Variants in PAK5 observed in about 807,000 individuals in gnomAD.
PAK5 encodes the protein p21 (RAC1) activated kinase 5, also known as serine/threonine-protein kinase PAK 5.
A neutral mutation model predicts 65.9 loss-of-function variants in PAK5; 16 were observed. The observed-to-expected ratio is 0.24, with a 90% confidence interval of 0.16 to 0.37. The LOEUF is 0.37. Ranked by LOEUF, PAK5 falls within the 10% of genes least tolerant of loss-of-function variation. PAK5 has a pLI of 1.00. For missense variants in PAK5, 785 were observed against 903.9 expected, an observed-to-expected ratio of 0.87 and a Z score of 1.69; for synonymous variants, 371 against 354.9, an observed-to-expected ratio of 1.05 and a Z score of -0.51.
In PAK5 at chr20:9,654,130, T is replaced by C. The variant is rs371896524; in HGVS notation, c.-11-9791A>G. 2.1e-4 allele frequency among the ~76,000 whole-genome samples: 32 copies of C among 152,004 alleles called. 1 individual carries two copies. In the East Asian group the frequency reaches 4.8e-3, roughly 23 times the overall value. On this transcript the variant is annotated intron_variant, in intron 2 of 9. Coordinates refer to ENST00000353224, the MANE Select transcript of PAK5 (RefSeq NM_177990.4). ...CTGGGATTACAGGCATGCACCACGATGCCCAGCTAATTTTTATATTTTTAG... is the reference window on the plus strand; with the variant it reads ...CTGGGATTACAGGCATGCACCACGACGCCCAGCTAATTTTTATATTTTTAG...
intron 6 of PAK5, among the ~76,000 whole-genome samples, 183 bp downstream of exon 6, chr20:9,562,708 C>A (rs1394392381): frequency 6.6e-6 from 1 of 152,064 alleles, no homozygotes; most frequent in African/African-American, 2.4e-5. Context: ...GAACATTCAC[C>A]AAATGAATGA....
chr20:9,791,024 A>T (rs1009773104), intron 1 of PAK5, among the ~76,000 whole-genome samples: 2 of 152,052 alleles, frequency 1.3e-5, no homozygotes, highest in Non-Finnish European at 2.9e-5. Flanking sequence ...CTTCATAGAC[A>T]TCAGCTTTCA....
chr20:9,666,014 T>C (rs2047412252), intron 2 of PAK5, among the ~76,000 whole-genome samples: 1 of 152,146 alleles, frequency 6.6e-6, no homozygotes, highest in Non-Finnish European at 1.5e-5. Context: ...TATAGGATGT[T>C]GTAAGACTCT....
chr20:9,698,388 T>G (rs2047896865), intron 2 of PAK5, among the ~76,000 whole-genome samples: 1 of 152,166 alleles, frequency 6.6e-6, no homozygotes, highest in Non-Finnish European at 1.5e-5. Flanking sequence ...CCCAGTGCTT[T>G]CTATTGTAAC....
At chr20:9,703,532 G>A (rs1189608769) in intron 2 of PAK5, among the ~76,000 whole-genome samples, 1 of 152,112 alleles carries the variant, frequency 6.6e-6, no homozygotes, top group East Asian at 1.9e-4. Context: ...GGAAGTTATT[G>A]GGGGAGGGTG....
In PAK5 at chr20:9,580,596, G is replaced by A. The variant is rs2123015738; in HGVS notation, c.539C>T (p.Ala180Val). 1 of 1,613,984 alleles carries A rather than the reference G, an allele frequency of 6.2e-7. No homozygotes were observed. The highest frequency in any genetic ancestry group is 8.5e-7 in the Non-Finnish European group (1 of 1,179,958). ...CAAAGGCTTCACCTCAGAATAGTAG[G>A]CCTCCCCGTGCTTCATTTTCATTAC... ...GHVMKMKHGE[A>V]YYSEVKPLKS... Residue 180 changes from alanine to valine, a missense_variant, in exon 4 of 10, where the codon GCC becomes GTC. Ala to Val is a moderately conservative substitution (Grantham distance 64, BLOSUM62 0). This residue lies in a region of PAK5 where 422 missense variants were observed against 413.3 expected (regional missense o/e 1.02). Transcript: ENST00000353224.
At chr20:9,580,072 T>A (rs2045950030) in intron 4 of PAK5, 73 bp downstream of exon 4, 1 of 1,290,796 alleles carries the variant, frequency 7.7e-7, no homozygotes, top group Non-Finnish European at 1.1e-6. Flanking sequence ...TCCAATCGTA[T>A]AAAAAGGTCG....
intron 3 of PAK5, among the ~76,000 whole-genome samples, chr20:9,624,931 T>A (rs2046822312): frequency 6.6e-6 from 1 of 152,200 alleles, no homozygotes; most frequent in Non-Finnish European, 1.5e-5. Flanking sequence ...TTATAAGCAA[T>A]TAAGTAAGGA....
chr20:9,671,055 G>C (rs962357001), intron 2 of PAK5, among the ~76,000 whole-genome samples: 26 of 152,246 alleles, frequency 1.7e-4, no homozygotes, highest in Non-Finnish European at 3.1e-4. Context: ...GCTTGTTTTT[G>C]TCAGGTTTGT....
intron 1 of PAK5, among the ~76,000 whole-genome samples, chr20:9,767,920 A>C (rs886853019): frequency 6.6e-6 from 1 of 152,184 alleles, no homozygotes; most frequent in African/African-American, 2.4e-5. Flanking sequence ...ATACTATGCA[A>C]CCATAAAAAA....
chr20:9,674,962 A>G (rs1205138947), intron 2 of PAK5, among the ~76,000 whole-genome samples: 2 of 152,218 alleles, frequency 1.3e-5, no homozygotes, highest in African/African-American at 4.8e-5. Context: ...ATTAGTAGTC[A>G]GCACTCACAG....
chr20:9,650,201 T>C (rs2047185568), intron 2 of PAK5, among the ~76,000 whole-genome samples: 1 of 152,206 alleles, frequency 6.6e-6, no homozygotes, highest in East Asian at 1.9e-4. Context: ...ATGATCTGAA[T>C]GTTGCTTCCA....
At chr20:9,774,488 A>G (rs2048866478) in intron 1 of PAK5, among the ~76,000 whole-genome samples, 1 of 152,222 alleles carries the variant, frequency 6.6e-6, no homozygotes, top group African/African-American at 2.4e-5. Flanking sequence ...AAAATTAAGC[A>G]TCAGCTTTAT....
intron 2 of PAK5, among the ~76,000 whole-genome samples, chr20:9,656,660 AC>A (rs903155835): frequency 6.6e-6 from 1 of 152,172 alleles, no homozygotes; most frequent in Non-Finnish European, 1.5e-5. Context: ...GGGGCAAATT[AC>A]TTAATCTCTT....
At chr20:9,561,685 A>G (rs1370852955) in intron 6 of PAK5, among the ~76,000 whole-genome samples, 1 of 152,194 alleles carries the variant, frequency 6.6e-6, no homozygotes, top group Non-Finnish European at 1.5e-5. Flanking sequence ...GTTTTCCACC[A>G]ATTATGTACC....
intron 3 of PAK5, among the ~76,000 whole-genome samples, chr20:9,608,831 T>C (rs1470210213): frequency 2.0e-5 from 3 of 152,228 alleles, no homozygotes; most frequent in Non-Finnish European, 4.4e-5. Context: ...AGATTGGCCC[T>C]GACAGCCCTA....
At chr20:9,753,656 C>T (rs1480559842) in intron 1 of PAK5, among the ~76,000 whole-genome samples, 2 of 152,052 alleles carry the variant, frequency 1.3e-5, no homozygotes, top group Non-Finnish European at 2.9e-5. Flanking sequence ...AATGTGATAG[C>T]CCATAAAGGG....
At chr20:9,622,614 C>T (rs745328016) in intron 3 of PAK5, among the ~76,000 whole-genome samples, 19 of 152,172 alleles carry the variant, frequency 1.2e-4, no homozygotes, top group African/African-American at 2.2e-4. Flanking sequence ...AGTGGTGGGC[C>T]GGTGAGCATT....
At chr20:9,579,481 C>G (rs1381673971) in intron 4 of PAK5, among the ~76,000 whole-genome samples, 1 of 152,098 alleles carries the variant, frequency 6.6e-6, no homozygotes, top group Non-Finnish European at 1.5e-5. Flanking sequence ...TCAAAGCAAA[C>G]TTGGAGCTGC....
Sources: allele counts gnomAD v4.1 joint callset (sites outside exome capture counted in the v4.1 genomes callset), GRCh38; gene constraint gnomAD v4.1.1; regional missense constraint gnomAD v4.1.1; transcripts MANE v1.5; gene names NCBI Gene and HGNC (gene_info 2026-07-23, HGNC 2026-07-21).